The following LIMD1 variants were observed in gnomAD, a reference collection of about 807,000 sequenced individuals.
LIMD1 encodes the protein LIM domain containing 1.
In LIMD1, 23 loss-of-function variants were observed where a neutral mutation model predicts 58.4. That is an observed-to-expected ratio of 0.39 (90% CI 0.28 to 0.56). The LOEUF is 0.56. Ranked by LOEUF, LIMD1 falls within the 20% of genes least tolerant of loss-of-function variation. The pLI, the probability that LIMD1 is intolerant of heterozygous loss-of-function variation, is 0.57. For synonymous variants in LIMD1, 334 were observed against 345.5 expected, an observed-to-expected ratio of 0.97 and a Z score of 0.37; for missense variants, 838 against 855.5, an observed-to-expected ratio of 0.98 and a Z score of 0.25.
chr3:45,659,882 A>T (rs770729493), intron 2 of LIMD1, among the ~76,000 whole-genome samples: 12 of 152,212 alleles, frequency 7.9e-5, no homozygotes, highest in Non-Finnish European at 1.5e-4. Context: ...TTACACTCTC[A>T]GCAGTAGCTT....
At chr3:45,597,208 C>T (rs1701366536) in intron 1 of LIMD1, among the ~76,000 whole-genome samples, 1 of 152,094 alleles carries the variant, frequency 6.6e-6, no homozygotes, top group East Asian at 1.9e-4. Context: ...CATCCCTTTG[C>T]CTGGAAACTG....
chr3:45,608,708 C>T (rs1390447927), intron 1 of LIMD1, among the ~76,000 whole-genome samples: 1 of 151,844 alleles, frequency 6.6e-6, no homozygotes, highest in African/African-American at 2.4e-5. Flanking sequence ...GGTGTGGTGG[C>T]GCATGCCTGT....
At position 45,677,261 on chromosome 3, in the gene LIMD1, T is replaced by C. The variant is rs1697684425; in HGVS notation, c.*202T>C. ...CCTGCGTGTATTTTCCAAGTGCTTT[T>C]CTCTGTTGCCACATTTTCCTCAGGT... On this transcript the variant is annotated 3_prime_UTR_variant, in exon 8 of 8. Coordinates refer to ENST00000273317, the MANE Select transcript of LIMD1 (RefSeq NM_014240.3). 5.5e-6 allele frequency: 3 copies of C among 543,670 alleles called. No homozygotes were observed. Among genetic ancestry groups the C allele is most frequent in the African/African-American group, 1.9e-5 (1 of 52,368 alleles). The allele number at this position is 543,670 out of a possible 1,614,324, so 33.7% of individuals were successfully genotyped here. A position where few individuals can be genotyped will look rare whatever the true frequency, so the allele number is the denominator to read the frequency against.
intron 2 of LIMD1, among the ~76,000 whole-genome samples, chr3:45,637,531 G>A (rs995793031): frequency 1.3e-5 from 2 of 152,098 alleles, no homozygotes; most frequent in East Asian, 1.9e-4. Flanking sequence ...CACCCACCTC[G>A]GCCTCCCAAA....
intron 2 of LIMD1, among the ~76,000 whole-genome samples, chr3:45,650,776 G>A (rs1701960677): frequency 6.6e-6 from 1 of 151,878 alleles, no homozygotes; most frequent in Non-Finnish European, 1.5e-5. Context: ...TTGCTATTTT[G>A]AATAGTGCCG....
chr3:45,630,969 C>G (rs1035923561), intron 1 of LIMD1, among the ~76,000 whole-genome samples: 7 of 152,054 alleles, frequency 4.6e-5, no homozygotes, highest in African/African-American at 1.4e-4. Context: ...TTTGGGAGGC[C>G]GAGGCGGGCG....
At position 45,681,248 on chromosome 3, in the gene LIMD1, T is replaced by A. The variant is rs1218962051; in HGVS notation, c.*4189T>A. On this transcript the variant is annotated 3_prime_UTR_variant, in exon 8 of 8. Coordinates refer to ENST00000273317, the MANE Select transcript of LIMD1 (RefSeq NM_014240.3). Reference sequence around the variant, plus strand: ...TGCATCAATTTGTTGACTATTAAAGTGCTCCTTGAACATTATATTTCCTGG... The same window carrying A: ...TGCATCAATTTGTTGACTATTAAAGAGCTCCTTGAACATTATATTTCCTGG... The A allele has an allele frequency of 6.6e-6, 1 of 152,230 alleles. No homozygotes were observed. Among genetic ancestry groups the A allele is most frequent in the Non-Finnish European group, 1.5e-5 (1 of 68,032 alleles). The allele number at this position is 152,230 out of a possible 1,614,324, so 9.4% of individuals were successfully genotyped here.
intron 1 of LIMD1, among the ~76,000 whole-genome samples, chr3:45,596,780 G>GT (rs1451716259): frequency 6.6e-6 from 1 of 151,948 alleles, no homozygotes; most frequent in East Asian, 1.9e-4. Context: ...GTGTGTCTGT[G>GT]TGTGTGTCTG....
intron 2 of LIMD1, among the ~76,000 whole-genome samples, chr3:45,647,454 TG>T (rs1413100824): frequency 6.6e-6 from 1 of 152,164 alleles, no homozygotes; most frequent in Non-Finnish European, 1.5e-5. Context: ...CGGGTCAGCC[TG>T]GGGGTCCGGC....
intron 2 of LIMD1, among the ~76,000 whole-genome samples, chr3:45,662,821 T>C (rs1031565386): frequency 4.6e-5 from 7 of 152,014 alleles, no homozygotes; most frequent in Non-Finnish European, 8.8e-5. Flanking sequence ...CCATCTCTAC[T>C]AAAAATACAA....
At chr3:45,625,245 T>C (rs931032577) in intron 1 of LIMD1, among the ~76,000 whole-genome samples, 1 of 152,118 alleles carries the variant, frequency 6.6e-6, no homozygotes, top group East Asian at 1.9e-4. Flanking sequence ...ATTTAAACCA[T>C]TTGAGAACCA....
chr3:45,608,856 A>AAG (rs1701494034), intron 1 of LIMD1, among the ~76,000 whole-genome samples: 1 of 151,588 alleles, frequency 6.6e-6, no homozygotes, highest in Non-Finnish European at 1.5e-5. Context: ...AAAAAAAAAA[A>AAG]AAGAAGGAGA....
chr3:45,616,216 C>A (rs954358170), intron 1 of LIMD1, among the ~76,000 whole-genome samples: 4 of 152,148 alleles, frequency 2.6e-5, no homozygotes, highest in African/African-American at 9.7e-5. Context: ...GGGCCCCCTT[C>A]CTCCTGACCC....
chr3:45,607,528 C>A (rs1701479636), intron 1 of LIMD1, among the ~76,000 whole-genome samples: 1 of 152,076 alleles, frequency 6.6e-6, no homozygotes, highest in South Asian at 2.1e-4. Context: ...CCTCCCTCCC[C>A]ACAAACATGT....
At chr3:45,601,870 C>A (rs1701416542) in intron 1 of LIMD1, among the ~76,000 whole-genome samples, 1 of 152,108 alleles carries the variant, frequency 6.6e-6, no homozygotes, top group East Asian at 1.9e-4. Context: ...ATTCTCCACC[C>A]ACGTACTGTA....
At chr3:45,633,934 A>G (rs115026153) in intron 1 of LIMD1, among the ~76,000 whole-genome samples, 4,052 of 152,312 alleles carry the variant, frequency 0.027, 70 homozygotes, top group Non-Finnish European at 0.044. Flanking sequence ...CAGCCTGAGA[A>G]TAGCCCTGGC....
At chr3:45,626,465 G>T (rs1413946419) in intron 1 of LIMD1, among the ~76,000 whole-genome samples, 1 of 152,220 alleles carries the variant, frequency 6.6e-6, no homozygotes, top group African/African-American at 2.4e-5. Flanking sequence ...ATGTTAGTAA[G>T]TGAGAGAAGC....
At chr3:45,618,422 G>A (rs975745298) in intron 1 of LIMD1, among the ~76,000 whole-genome samples, 5 of 152,152 alleles carry the variant, frequency 3.3e-5, no homozygotes, top group African/African-American at 1.2e-4. Flanking sequence ...TGGAGGAGTA[G>A]GGAGGGGCGT....
chr3:45,617,649 A>G (rs1292694348), intron 1 of LIMD1, among the ~76,000 whole-genome samples: 1 of 152,202 alleles, frequency 6.6e-6, no homozygotes, highest in Non-Finnish European at 1.5e-5. Context: ...AAGGTCACTC[A>G]CCTGGTAAGC....
Sources: gnomAD v4.1 joint callset for allele counts (sites outside exome capture counted in the v4.1 genomes callset) on GRCh38, gnomAD v4.1.1 for gene constraint, MANE v1.5 for transcripts, NCBI Gene and HGNC (gene_info 2026-07-23, HGNC 2026-07-21) for gene names.